Variants in ADK observed in about 807,000 individuals in gnomAD.
ADK encodes adenosine kinase.
Under a neutral mutation model 44.7 loss-of-function variants are expected in ADK, and 24 were observed. That is an observed-to-expected ratio of 0.54 (90% CI 0.39 to 0.76). ADK has a LOEUF of 0.76. ADK is among the 30% of genes least tolerant of loss of function. ADK has a pLI of 0.00. For synonymous variants in ADK, 128 were observed against 142.6 expected (o/e 0.90, Z 0.73); for missense variants, 321 against 425.1 (o/e 0.76, Z 2.15).
At chr10:74,422,990 A>G (rs1438556671) in intron 6 of ADK, among the ~76,000 whole-genome samples, 1 of 152,142 alleles carries the variant, frequency 6.6e-6, no homozygotes, top group Non-Finnish European at 1.5e-5. Flanking sequence ...CTAGCTGCTC[A>G]TCACCTGAAC....
intron 1 of ADK, chr10:74,176,595 C>G (rs1842346463): frequency 1.4e-6 from 2 of 1,380,312 alleles, no homozygotes; most frequent in South Asian, 1.6e-5. Context: ...AGTCATCTCG[C>G]TAGCCCGCGC....
At chr10:74,235,985 A>G (rs1195918794) in intron 3 of ADK, among the ~76,000 whole-genome samples, 1 of 152,224 alleles carries the variant, frequency 6.6e-6, no homozygotes, top group Non-Finnish European at 1.5e-5. Context: ...AGCTGGCACC[A>G]TACTCTAGGA....
intron 7 of ADK, among the ~76,000 whole-genome samples, chr10:74,588,738 C>T (rs934992569): frequency 1.3e-5 from 2 of 152,106 alleles, no homozygotes; most frequent in African/African-American, 4.8e-5. Context: ...ATGCTTTGCT[C>T]CCGTGACCAG....
chr10:74,240,480 A>C (rs1005231655), intron 3 of ADK, among the ~76,000 whole-genome samples: 3 of 150,708 alleles, frequency 2.0e-5, no homozygotes, highest in Non-Finnish European at 4.4e-5. Flanking sequence ...TGTATGTCTT[A>C]TTTCTTTCTC....
chr10:74,235,696 A>T (rs1366341423), intron 3 of ADK, among the ~76,000 whole-genome samples: 1 of 152,132 alleles, frequency 6.6e-6, no homozygotes, highest in African/African-American at 2.4e-5. Flanking sequence ...GAGCTTACTT[A>T]TTTTACCACC....
chr10:74,224,617 A>G (rs771109216), intron 3 of ADK, 26 bp downstream of exon 3: 1 of 1,589,946 alleles, frequency 6.3e-7, no homozygotes, highest in Non-Finnish European at 8.6e-7. Context: ...CATTGGTTGT[A>G]AATAGTTTAC....
chr10:74,639,753 T>C (rs943717699), intron 9 of ADK, among the ~76,000 whole-genome samples: 5 of 152,116 alleles, frequency 3.3e-5, no homozygotes, highest in African/African-American at 1.2e-4. Context: ...GGAGAATCGC[T>C]TGATCCCAGG....
At chr10:74,356,422 ACT>A (rs1172870365) in intron 4 of ADK, among the ~76,000 whole-genome samples, 2 of 152,186 alleles carry the variant, frequency 1.3e-5, no homozygotes, top group Non-Finnish European at 2.9e-5. Flanking sequence ...AGTGGATCAC[ACT>A]CTGCAGCATT....
At chr10:74,655,719 AC>A in intron 9 of ADK, 1 of 484,232 alleles carries the variant, frequency 2.1e-6, no homozygotes, top group Non-Finnish European at 4.1e-6. Flanking sequence ...GCTGAGCCTC[AC>A]CAAGGAGGAG....
At position 74,267,754 on chromosome 10, in the gene ADK, T is replaced by TTTTGTGTGTGTGTGTGTGTG. The variant is rs1554835954; in HGVS notation, c.194+43164_194+43165insTTGTGTGTGTGTGTGTGTGT. On this transcript the variant is annotated intron_variant, in intron 3 of 10. Coordinates refer to ENST00000539909, the MANE Select transcript of ADK (RefSeq NM_006721.4). Reference sequence around the variant, plus strand: ...ATCAGCTATTGGCTTATATCCTTATTTGTGTGTGTGTGTGTGTGTGTGTGT... The same window carrying TTTTGTGTGTGTGTGTGTGTG: ...ATCAGCTATTGGCTTATATCCTTATTTTTGTGTGTGTGTGTGTGTGTGTGTGTGTGTGTGTGTGTGTGTGT... 2.0e-3 allele frequency among the ~76,000 whole-genome samples: 269 copies of TTTTGTGTGTGTGTGTGTGTG among 132,808 alleles called. 5 individuals are homozygous for TTTTGTGTGTGTGTGTGTGTG. Among genetic ancestry groups the TTTTGTGTGTGTGTGTGTGTG allele is most frequent in the Middle Eastern group, 3.9e-3 (1 of 258 alleles). 87.1% of individuals were successfully genotyped at this position (132,808 alleles called of 152,430 possible). A position where few individuals can be genotyped will look rare whatever the true frequency, so the allele number is the denominator to read the frequency against.
intron 3 of ADK, among the ~76,000 whole-genome samples, chr10:74,279,388 C>A (rs1333880243): frequency 3.3e-5 from 5 of 151,882 alleles, no homozygotes; most frequent in Non-Finnish European, 7.4e-5. Context: ...GAGTTTGAGA[C>A]CAGTCTGGCC....
At chr10:74,431,463 G>A (rs978823688) in intron 6 of ADK, among the ~76,000 whole-genome samples, 10 of 152,268 alleles carry the variant, frequency 6.6e-5, no homozygotes, top group East Asian at 1.9e-4. Flanking sequence ...ATCTGAGGCC[G>A]GGCATGGTGG....
chr10:74,226,361 C>A (rs1844541474), intron 3 of ADK, among the ~76,000 whole-genome samples: 1 of 152,218 alleles, frequency 6.6e-6, no homozygotes, highest in Non-Finnish European at 1.5e-5. Flanking sequence ...CCCACCTCAG[C>A]CTCCCAAAGT....
At chr10:74,266,297 G>A (rs575419241) in intron 3 of ADK, among the ~76,000 whole-genome samples, 184 of 152,248 alleles carry the variant, frequency 1.2e-3, no homozygotes, top group Non-Finnish European at 2.1e-3. Context: ...AGTGGCTCAC[G>A]CCTGTAATCT....
chr10:74,696,382 T>G (rs1433719152), intron 10 of ADK, among the ~76,000 whole-genome samples: 5 of 151,822 alleles, frequency 3.3e-5, no homozygotes, highest in African/African-American at 9.7e-5. Flanking sequence ...TTTTGTTTTT[T>G]TTTGAAACGA....
At chr10:74,379,320 G>A (rs1842913370) in intron 4 of ADK, among the ~76,000 whole-genome samples, 1 of 152,186 alleles carries the variant, frequency 6.6e-6, no homozygotes, top group Non-Finnish European at 1.5e-5. Context: ...GAAATAGTTT[G>A]AGAACAGGCT....
intron 4 of ADK, among the ~76,000 whole-genome samples, chr10:74,383,145 A>G (rs187468754): frequency 7.9e-5 from 12 of 152,236 alleles, no homozygotes; most frequent in Admixed American, 2.6e-4. Context: ...AATAATAATA[A>G]TAATTAAAAT....
chr10:74,248,134 T>C lies in ADK; in HGVS notation c.194+23543T>C, dbSNP rs1564616507. 3.9e-5 allele frequency among the ~76,000 whole-genome samples: 6 copies of C among 152,316 alleles called. 1 individual carries two copies. The South Asian group carries it at 8.3e-4, about 21-fold the overall frequency. The stretch of plus-strand genomic sequence containing the variant: ...ATTAGGATATACATAATATCCCTCT[T>C]CCTTTGAGGGGCTTCCTTCGTGTAG... On this transcript the variant is annotated intron_variant, in intron 3 of 10. Transcript: ENST00000539909.
At chr10:74,502,994 A>G (rs1449273688) in intron 6 of ADK, among the ~76,000 whole-genome samples, 3 of 152,024 alleles carry the variant, frequency 2.0e-5, no homozygotes, top group Non-Finnish European at 2.9e-5. Flanking sequence ...CACTAAATGG[A>G]TTTTCTATTA....
Sources: allele counts gnomAD v4.1 joint callset (sites outside exome capture counted in the v4.1 genomes callset), GRCh38; gene constraint gnomAD v4.1.1; transcripts MANE v1.5; gene names NCBI Gene and HGNC (gene_info 2026-07-23, HGNC 2026-07-21).